The following KCNQ1 variants were observed in gnomAD, a reference collection of about 807,000 sequenced individuals.
The protein encoded by KCNQ1 is potassium voltage-gated channel subfamily KQT member 1.
KCNQ1 carries 49 observed loss-of-function variants against 72.4 expected under a neutral mutation model. The observed-to-expected ratio is 0.68, with a 90% CI of 0.54 to 0.86. KCNQ1 has a LOEUF of 0.86. Among genes scored for constraint, KCNQ1 ranks in the 40% least tolerant of loss-of-function variants. The pLI, the probability that KCNQ1 is intolerant of heterozygous loss-of-function variation, is 0.00. For synonymous variants in KCNQ1, 450 were observed against 412.6 expected (o/e 1.09, Z -1.10); for missense variants, 790 against 945.1 (o/e 0.84, Z 2.15).
chr11:2,657,119 C>G lies in KCNQ1; in HGVS notation c.1394-4842C>G, dbSNP rs1280749969. ...TGTCAATACCACATTGCCCTAATGA[C>G]CACTGCCTTGGAAGAAGTACTGATG... On this transcript the variant is annotated intron_variant, in intron 10 of 15. Transcript: ENST00000155840. The surrounding 1 kb of genome is among the most constrained non-coding windows in gnomAD (Gnocchi z 4.8). 2.5e-6 allele frequency: 1 copy of G among 398,520 alleles called. No homozygotes were observed. Among genetic ancestry groups the G allele is most frequent in the Non-Finnish European group, 4.4e-6 (1 of 226,078 alleles). 24.7% of individuals were successfully genotyped at this position (398,520 alleles called of 1,614,324 possible).
chr11:2,699,128 C>T (rs1209880776), intron 11 of KCNQ1: 1 of 398,664 alleles, frequency 2.5e-6, no homozygotes, highest in Non-Finnish European at 4.4e-6. Flanking sequence ...ATGCGGATTC[C>T]AGACTCCAAT....
intron 15 of KCNQ1, among the ~76,000 whole-genome samples, chr11:2,807,225 C>G (rs191240397): frequency 1.3e-5 from 2 of 152,218 alleles, no homozygotes; most frequent in Admixed American, 6.5e-5. Flanking sequence ...TCGAGCCTGA[C>G]AAGCCGCAGC....
Position 2,662,092 on chromosome 11 carries a change from A to G in KCNQ1, c.1514+11A>G. The G allele has an allele frequency of 6.2e-7, 1 of 1,614,146 alleles. No individual in the cohort carries two copies. Among genetic ancestry groups the G allele is most frequent in the Non-Finnish European group, 8.5e-7 (1 of 1,180,028 alleles). ...CACCCACATCTCACAGTGAGTGCCTACATGTGCGTGAAGGGCTGGGCTGGA... is the reference window on the plus strand; with the variant it reads ...CACCCACATCTCACAGTGAGTGCCTGCATGTGCGTGAAGGGCTGGGCTGGA... On this transcript the variant is annotated intron_variant, in intron 11 of 15. Coordinates refer to ENST00000155840, the MANE Select transcript of KCNQ1 (RefSeq NM_000218.3).
chr11:2,611,003 ATTG>A lies in KCNQ1; in HGVS notation c.1393+22152_1393+22154del. ...TACTATTATTGTTGAGTTGTCTATT[ATTG>A]TTCAGTTGTCTGTTTCTCTCTTCAT... On this transcript the variant is annotated intron_variant, in intron 10 of 15. Transcript: ENST00000155840. The surrounding 1 kb of genome is among the most constrained non-coding windows in gnomAD (Gnocchi z 5.3). The A allele has an allele frequency of 2.5e-6, 1 of 398,332 alleles. No individual in the cohort carries two copies. Among genetic ancestry groups the A allele is most frequent in the Non-Finnish European group, 4.4e-6 (1 of 225,992 alleles). The allele number at this position is 398,332 out of a possible 1,614,324, so 24.7% of individuals were successfully genotyped here. A position where few individuals can be genotyped will look rare whatever the true frequency, so the allele number is the denominator to read the frequency against.
At chr11:2,760,561 G>T (rs1273557372) in intron 11 of KCNQ1, among the ~76,000 whole-genome samples, 4 of 152,158 alleles carry the variant, frequency 2.6e-5, no homozygotes, top group Non-Finnish European at 4.4e-5. Context: ...CAGGGAGAGG[G>T]TCCATCCGCC....
Position 2,550,805 on chromosome 11 carries a change from G to A in KCNQ1, c.478-19823G>A, listed in dbSNP as rs1019408561. ...TCCCGAGTACAAGGCATGGACAGGA[G>A]CCAGGCTTCACCTAGCACCTGGCTC... is the stretch of plus-strand genomic sequence containing the variant. On this transcript the variant is annotated intron_variant, in intron 2 of 15. Transcript: ENST00000155840. The surrounding 1 kb of genome is among the most constrained non-coding windows in gnomAD (Gnocchi z 6.0). Among the ~76,000 whole-genome samples, 1 of 152,104 alleles carries A rather than the reference G, an allele frequency of 6.6e-6. No homozygotes were observed. The highest frequency in any genetic ancestry group is 1.5e-5 in the Non-Finnish European group (1 of 68,024).
intron 11 of KCNQ1, among the ~76,000 whole-genome samples, chr11:2,743,562 C>A (rs1318751698): frequency 6.6e-6 from 1 of 152,198 alleles, no homozygotes; most frequent in East Asian, 1.9e-4. Flanking sequence ...AGGGAAGGGG[C>A]TCGAATCCCT....
intron 11 of KCNQ1, chr11:2,681,962 C>T (rs1590029014): frequency 2.5e-6 from 1 of 398,488 alleles, no homozygotes. Flanking sequence ...ACTTACACTT[C>T]CTGTTTGCCA....
intron 1 of KCNQ1, among the ~76,000 whole-genome samples, chr11:2,474,060 A>T (rs1402686783): frequency 6.6e-6 from 1 of 152,182 alleles, no homozygotes; most frequent in African/African-American, 2.4e-5. Context: ...CCGCTGGCCC[A>T]GTGGTCTCTC....
At position 2,687,299 on chromosome 11, in the gene KCNQ1, C is replaced by G; in HGVS notation, c.1514+25218C>G. The G allele has an allele frequency of 2.5e-6, 1 of 398,692 alleles. No homozygotes were observed. The highest frequency in any genetic ancestry group is 4.4e-6 in the Non-Finnish European group (1 of 226,094). 24.7% of individuals were successfully genotyped at this position (398,692 alleles called of 1,614,324 possible). ...CTCCCACCTTGCAGCTTTGAGATCC[C>G]AGGCCTCTCAGGGCTCTGGCTGAGG... On this transcript the variant is annotated intron_variant, in intron 11 of 15. Coordinates refer to ENST00000155840, the MANE Select transcript of KCNQ1 (RefSeq NM_000218.3). This position sits in a 1 kb window ranked among gnomAD's most constrained non-coding sequence, Gnocchi z 5.0.
At chr11:2,465,418 G>A (rs1019381834) in intron 1 of KCNQ1, among the ~76,000 whole-genome samples, 19 of 152,318 alleles carry the variant, frequency 1.2e-4, no homozygotes, top group African/African-American at 4.6e-4. Flanking sequence ...ATCCTCCAAG[G>A]TCCAGCCAGC....
Position 2,678,203 on chromosome 11 carries a change from A to C in KCNQ1, c.1514+16122A>C, listed in dbSNP as rs534548640. 1.5e-4 allele frequency: 59 copies of C among 398,338 alleles called. 1 individual carries two copies. The South Asian group carries it at 7.0e-3, about 47-fold the overall frequency. 24.7% of individuals were successfully genotyped at this position (398,338 alleles called of 1,614,324 possible). Reference sequence around the variant, plus strand: ...TGGCAGAATTTTTTTAATTTCACATAGTCAGCTGTGTCAGTCTTTTATGGT... The same window carrying C: ...TGGCAGAATTTTTTTAATTTCACATCGTCAGCTGTGTCAGTCTTTTATGGT... On this transcript the variant is annotated intron_variant, in intron 11 of 15. Transcript: ENST00000155840. The surrounding 1 kb of genome is among the most constrained non-coding windows in gnomAD (Gnocchi z 4.9).
intron 13 of KCNQ1, among the ~76,000 whole-genome samples, 174 bp downstream of exon 13, chr11:2,776,228 G>A (rs975333703): frequency 7.2e-5 from 11 of 152,260 alleles, no homozygotes; most frequent in South Asian, 2.1e-4. Context: ...AGCTGGCCAC[G>A]GCCACGGTTC....
chr11:2,629,389 A>G (rs536888223), intron 10 of KCNQ1: 1 of 398,298 alleles, frequency 2.5e-6, no homozygotes, highest in African/African-American at 2.1e-5. Flanking sequence ...ATTATATCCA[A>G]ATGAAGTCAA....
intron 11 of KCNQ1, among the ~76,000 whole-genome samples, chr11:2,733,845 C>T (rs1845903153): frequency 5.2e-5 from 2 of 38,686 alleles, no homozygotes; most frequent in Non-Finnish European, 1.0e-4. Context: ...CTCTCTCTCT[C>T]TCTCTCTCTC....
chr11:2,621,527 G>C lies in KCNQ1; in HGVS notation c.1393+32673G>C, dbSNP rs1348876564. 1 of 398,264 alleles carries C rather than the reference G, an allele frequency of 2.5e-6. No homozygotes were observed. Among genetic ancestry groups the C allele is most frequent in the East Asian group, 3.6e-5 (1 of 28,056 alleles). 24.7% of individuals were successfully genotyped at this position (398,264 alleles called of 1,614,324 possible). On this transcript the variant is annotated intron_variant, in intron 10 of 15. Transcript: ENST00000155840. This position sits in a 1 kb window ranked among gnomAD's most constrained non-coding sequence, Gnocchi z 5.7. Reference sequence around the variant, plus strand: ...GTTTACTCTGTTGATAATTTCTTTTGCTATGCAGAAGCTCTTTAGTTTACC... The same window carrying C: ...GTTTACTCTGTTGATAATTTCTTTTCCTATGCAGAAGCTCTTTAGTTTACC...
rs12271931 is a variant in KCNQ1, at chr11:2,457,289, G to A, written c.386+11805G>A. ...AACTACCATTCGATCCAGCAGTCCC[G>A]TGTGCTGAGTTTATACCCAAAGAAA... On this transcript the variant is annotated intron_variant, in intron 1 of 15. Transcript: ENST00000155840. The surrounding 1 kb of genome is among the most constrained non-coding windows in gnomAD (Gnocchi z 5.0). Among the ~76,000 whole-genome samples the A allele has an allele frequency of 0.91, 138,005 of 152,258 alleles. 62,753 individuals carry two copies. The highest frequency in any genetic ancestry group is 1 in the East Asian group (5,182 of 5,186).
chr11:2,610,631 G>A (rs117423774), intron 10 of KCNQ1: 6,440 of 396,412 alleles, frequency 0.016, 255 homozygotes, highest in East Asian at 0.1. Flanking sequence ...TGCTAACAAG[G>A]AATTCTGTTT....
chr11:2,663,095 G>A lies in KCNQ1; in HGVS notation c.1514+1014G>A, dbSNP rs1849998632. 4 of 398,552 alleles carry A rather than the reference G, an allele frequency of 1.0e-5. No homozygotes were observed. Among genetic ancestry groups the A allele is most frequent in the Non-Finnish European group, 1.8e-5 (4 of 226,118 alleles). The allele number at this position is 398,552 out of a possible 1,614,324, so 24.7% of individuals were successfully genotyped here. On this transcript the variant is annotated intron_variant, in intron 11 of 15. Transcript: ENST00000155840. The surrounding 1 kb of genome is among the most constrained non-coding windows in gnomAD (Gnocchi z 5.2). ...GTAGCCAGAATGAGGCCACCTCCAG[G>A]GAAGGAGTGGCTATCTTAAGGGGTA...
Sources: gnomAD v4.1 joint callset for allele counts (sites outside exome capture counted in the v4.1 genomes callset) on GRCh38, gnomAD v4.1.1 for gene constraint, Gnocchi (gnomAD v3.1) non-coding constraint, MANE v1.5 for transcripts, NCBI Gene and HGNC (gene_info 2026-07-23, HGNC 2026-07-21) for gene names.